ERI2: variants seen among roughly 807,000 people sequenced by gnomAD.
ERI2 encodes ERI1 exoribonuclease 2.
In ERI2, 35 loss-of-function variants were observed where a neutral mutation model predicts 46.8. That is an observed-to-expected ratio of 0.75 (90% confidence interval 0.57 to 0.99). The LOEUF (loss-of-function observed/expected upper bound fraction) is 0.99, where lower values mean the gene tolerates loss of function less well. Among genes scored for constraint, ERI2 ranks in the 50% least tolerant of loss-of-function variants. ERI2 has a pLI of 0.00. For missense variants in ERI2, 695 were observed against 796.2 expected (o/e 0.87, Z 1.53); for synonymous variants, 224 against 271.0 (o/e 0.83, Z 1.70).
intron 10 of ERI2, chr16:20,785,246 C>A: frequency 8.2e-7 from 1 of 1,214,730 alleles, no homozygotes; most frequent in Non-Finnish European, 1.1e-6. Flanking sequence ...ACAATGCTTG[C>A]AAGAACCTAA....
Position 20,803,620 on chromosome 16 carries a change from A to C in ERI2, c.74T>G (p.Leu25Arg), listed in dbSNP as rs747068689. 1.7e-5 allele frequency: 28 copies of C among 1,614,090 alleles called. No individual in the cohort carries two copies. Among genetic ancestry groups the C allele is most frequent in the Non-Finnish European group, 2.3e-5 (27 of 1,180,032 alleles). The change falls in exon 2 of 9, where the codon CTC becomes CGC. Residue 25 changes from leucine to arginine, a missense_variant. By Grantham distance (102) the Leu-to-Arg change is moderately radical (BLOSUM62 -2). Coordinates refer to ENST00000357967, the MANE Select transcript of ERI2 (RefSeq NM_001142725.2). Reference sequence around the variant, plus strand: ...CTACTCACTGGATTTGCTTCTTCCGAGATTTCCATTTGCTGGCGCAATTGA... The same window carrying C: ...CTACTCACTGGATTTGCTTCTTCCGCGATTTCCATTTGCTGGCGCAATTGA... ...RKSIAPANGN[L>R]GRSKSKQLFD...
Position 20,796,573 on chromosome 16 carries a change from C to T in ERI2, c.*1151G>A, listed in dbSNP as rs536407182. 6.3e-7 allele frequency: 1 copy of T among 1,582,946 alleles called. No homozygotes were observed. The highest frequency in any genetic ancestry group is 8.5e-7 in the Non-Finnish European group (1 of 1,171,646). Reference sequence around the variant, plus strand: ...ATTTTTACATTTTAATGAATATTTTCTTCACACATGCTGCACCACATGTCC... The same window carrying T: ...ATTTTTACATTTTAATGAATATTTTTTTCACACATGCTGCACCACATGTCC... On this transcript the variant is annotated 3_prime_UTR_variant, in exon 9 of 9. Transcript: ENST00000357967.
downstream of ERI2, among the ~76,000 whole-genome samples, chr16:20,793,399 G>A (rs1164376158): frequency 3.3e-5 from 5 of 152,172 alleles, no homozygotes; most frequent in African/African-American, 4.8e-5. Flanking sequence ...GACCCGGGAC[G>A]GGGAGGTTAC....
rs985251068 is a variant in ERI2 at position 20,790,034 on chromosome 16, T to C, written c.816-477A>G. ...AAAGGATATTACCAAAATGTGATTA[T>C]TGCTGGATGGTAAAATTTTTAAAAA... On this transcript the variant is annotated intron_variant, in intron 9 of 10. Coordinates refer to the ERI2 transcript ENST00000300005. This position sits in a 1 kb window ranked among gnomAD's most constrained non-coding sequence, Gnocchi z 4.0. 6.6e-6 allele frequency among the ~76,000 whole-genome samples: 1 copy of C among 152,238 alleles called. No individual in the cohort carries two copies. Among genetic ancestry groups the C allele is most frequent in the Admixed American group, 6.5e-5 (1 of 15,274 alleles).
rs941261122 is a variant in ERI2 at position 20,799,515 on chromosome 16, A to C, written c.644-164T>G. ...TTAATCATGATAAACTGGTCTTGGA[A>C]GTGGAAGGCTATGGCAGCATTACCA... On this transcript the variant is annotated intron_variant, in intron 7 of 8. Coordinates refer to ENST00000357967, the MANE Select transcript of ERI2 (RefSeq NM_001142725.2). 9.3e-6 allele frequency: 6 copies of C among 643,156 alleles called. No individual in the cohort carries two copies. The African/African-American group carries it at 1.1e-4, about 12-fold the overall frequency. 39.8% of individuals were successfully genotyped at this position (643,156 alleles called of 1,614,324 possible). A position where few individuals can be genotyped will look rare whatever the true frequency, so the allele number is the denominator to read the frequency against.
chr16:20,786,484 C>T (rs796622602), intron 10 of ERI2, among the ~76,000 whole-genome samples: 13 of 152,308 alleles, frequency 8.5e-5, no homozygotes, highest in African/African-American at 2.9e-4. Flanking sequence ...AGTTCAAGAC[C>T]AGCCTGGGCA....
intron 1 of ERI2, among the ~76,000 whole-genome samples, chr16:20,804,553 C>G (rs1324869302): frequency 1.3e-5 from 2 of 152,126 alleles, no homozygotes; most frequent in African/African-American, 4.8e-5. Flanking sequence ...GTAGTCCCAA[C>G]TACTCAGGAG....
chr16:20,799,143 C>CA (rs1266908045), intron 8 of ERI2, 76 bp from the exon 9 acceptor site: 2 of 1,492,474 alleles, frequency 1.3e-6, no homozygotes, highest in Non-Finnish European at 1.8e-6. Flanking sequence ...AGTTTTATGA[C>CA]AAAAAAGAGA....
At chr16:20,785,530 G>A (rs2080452635) in intron 10 of ERI2, among the ~76,000 whole-genome samples, 1 of 151,856 alleles carries the variant, frequency 6.6e-6, no homozygotes, top group Admixed American at 6.6e-5. Flanking sequence ...TTTTTAAAGA[G>A]CTCATAGAGA....
At position 20,797,191 on chromosome 16, in the gene ERI2, T is replaced by C. The variant is rs2152494251; in HGVS notation, c.*533A>G. 1 of 1,265,814 alleles carries C rather than the reference T, an allele frequency of 7.9e-7. No individual in the cohort carries two copies. Among genetic ancestry groups the C allele is most frequent in the East Asian group, 3.9e-5 (1 of 25,584 alleles). 78.4% of individuals were successfully genotyped at this position (1,265,814 alleles called of 1,614,324 possible). ...TCAATGTTCCTATCATTTCTTAATA[T>C]AAAAATAATACCATCAATTGCTGAT... On this transcript the variant is annotated 3_prime_UTR_variant, in exon 9 of 9. Transcript: ENST00000357967.
Position 20,798,873 on chromosome 16 carries a change from A to C in ERI2, c.927T>G (p.Asp309Glu), listed in dbSNP as rs2080764786. 3 of 1,550,668 alleles carry C rather than the reference A, an allele frequency of 1.9e-6. No individual in the cohort carries two copies. In the African/African-American group the frequency reaches 4.1e-5, roughly 21 times the overall value. Residue 309 changes from aspartate to glutamate, a missense_variant, in exon 9 of 9, where the codon GAT (aspartate) becomes GAG (glutamate). Asp to Glu is a conservative substitution (Grantham distance 45, BLOSUM62 2). Coordinates refer to ENST00000357967, the MANE Select transcript of ERI2 (RefSeq NM_001142725.2). ...CANSPIKAQQ[D>E]QLQVKNNIKA... The stretch of plus-strand genomic sequence containing the variant: ...TTATATTGTTTTTTACTTGTAATTG[A>C]TCCTGTTGTGCCTTTATAGGAGAAT...
chr16:20,791,916 A>G (rs551865126), downstream of ERI2: 138 of 1,502,378 alleles, frequency 9.2e-5, 2 homozygotes, highest in East Asian at 2.9e-3. Flanking sequence ...TAACAGAGTG[A>G]GACTGTCTCG....
Position 20,803,476 on chromosome 16 carries a change from C to T in ERI2, c.132G>A (p.Ser44=), listed in dbSNP as rs772295315. 7.4e-6 allele frequency: 12 copies of T among 1,613,924 alleles called. No homozygotes were observed. The South Asian group carries it at 8.8e-5, about 12-fold the overall frequency. Reference sequence around the variant, plus strand: ...GGTGCTTCCCATCATTCCAGCATGTCGATTCAAAATCAATGACAATTAAGT... The same window carrying T: ...GGTGCTTCCCATCATTCCAGCATGTTGATTCAAAATCAATGACAATTAAGT... The part of the protein sequence containing the change: ...FDYLIVIDFE[S]TCWNDGKHHH... The change falls in exon 3 of 9, where the codon TCG becomes TCA. Residue 44 remains serine, a synonymous_variant. Coordinates refer to ENST00000357967, the MANE Select transcript of ERI2 (RefSeq NM_001142725.2).
intron 5 of ERI2, among the ~76,000 whole-genome samples, chr16:20,800,989 G>C (rs192092285): frequency 3.2e-4 from 48 of 152,132 alleles, no homozygotes; most frequent in Admixed American, 3.1e-3. Flanking sequence ...TTAAGTTCAG[G>C]CTTAATATTT....
Position 20,790,859 on chromosome 16 carries a change from T to G in ERI2, c.806A>C (p.Gln269Pro). ...GAAATTGAAGAAATACCCAAATTCT[T>G]GCTGAAGAAAAGCATGCTGGTCCCC... Residue 269 changes from glutamine (Q) to proline (P), a missense_variant, in exon 9 of 11, where the codon CAA (glutamine) becomes CCA (proline). Transcript: ENST00000300005. This position sits in a 1 kb window ranked among gnomAD's most constrained non-coding sequence, Gnocchi z 4.0. 6.2e-7 allele frequency: 1 copy of G among 1,614,072 alleles called. No homozygotes were observed. Among genetic ancestry groups the G allele is most frequent in the South Asian group, 1.1e-5 (1 of 91,080 alleles).
intron 10 of ERI2, among the ~76,000 whole-genome samples, chr16:20,788,598 C>G (rs1305183907): frequency 6.6e-6 from 1 of 152,168 alleles, no homozygotes; most frequent in Non-Finnish European, 1.5e-5. Context: ...TGTGTTCCAA[C>G]CAGGTGAATA....
downstream of ERI2, among the ~76,000 whole-genome samples, chr16:20,791,847 G>A (rs149808645): frequency 0.019 from 2,826 of 151,990 alleles, 82 homozygotes; most frequent in African/African-American, 0.064. Context: ...AGAATCGCTT[G>A]AACCTGGGAG....
chr16:20,796,887 T>C lies in ERI2; in HGVS notation c.*837A>G, dbSNP rs147314780. ...TTTTCTTCCCCTTGATGCCAACAGG[T>C]AGAATTTATTCAAGAGCTGCCAAAG... is the stretch of plus-strand genomic sequence containing the variant. On this transcript the variant is annotated 3_prime_UTR_variant, in exon 9 of 9. Coordinates refer to ENST00000357967, the MANE Select transcript of ERI2 (RefSeq NM_001142725.2). 6 of 1,611,516 alleles carry C rather than the reference T, an allele frequency of 3.7e-6. No individual in the cohort carries two copies. The African/African-American group carries it at 6.7e-5, about 18-fold the overall frequency.
downstream of ERI2, among the ~76,000 whole-genome samples, chr16:20,795,299 C>T (rs547611162): frequency 6.6e-5 from 10 of 152,260 alleles, no homozygotes; most frequent in Admixed American, 6.5e-5. Context: ...GCAGTACAGG[C>T]GTGACCCACT....
Sources: allele counts gnomAD v4.1 joint callset (sites outside exome capture counted in the v4.1 genomes callset), GRCh38; gene constraint gnomAD v4.1.1; non-coding constraint Gnocchi (gnomAD v3.1); transcripts MANE v1.5; gene names NCBI Gene and HGNC (gene_info 2026-07-23, HGNC 2026-07-21).